The following IL1RAPL1 variants were observed in gnomAD, a reference collection of about 807,000 sequenced individuals.
IL1RAPL1 encodes interleukin-1 receptor accessory protein-like 1.
IL1RAPL1 carries 3 observed loss-of-function variants against 48.4 expected under a neutral mutation model. The ratio of observed to expected loss-of-function variants is 0.06; its 90% CI spans 0.03 to 0.16. The LOEUF (loss-of-function observed/expected upper bound fraction) is 0.16, where lower values mean the gene tolerates loss of function less well. Ranked by LOEUF, IL1RAPL1 falls within the 10% of genes least tolerant of loss-of-function variation. IL1RAPL1 has a pLI of 1.00. For synonymous variants in IL1RAPL1, 185 were observed against 187.7 expected (o/e 0.99, Z 0.12); for missense variants, 349 against 530.6 (o/e 0.66, Z 3.36).
At chrX:28,862,942 A>G (rs1338244564) in intron 2 of IL1RAPL1, among the ~76,000 whole-genome samples, 1 of 109,519 alleles carries the variant, frequency 9.1e-6, no homozygotes, top group African/African-American at 3.3e-5. Context: ...GTGCAGTGGG[A>G]ATGATCTTGG....
At chrX:29,895,571 A>G (rs112835169) in intron 6 of IL1RAPL1, among the ~76,000 whole-genome samples, 13,485 of 112,303 alleles carry the variant, frequency 0.12, 737 homozygotes, top group Admixed American at 0.2. Flanking sequence ...AAGCTATTGT[A>G]TACGAATTGG....
At chrX:29,750,643 G>T (rs928111461) in intron 6 of IL1RAPL1, among the ~76,000 whole-genome samples, 2 of 111,509 alleles carry the variant, frequency 1.8e-5, no homozygotes, top group African/African-American at 6.5e-5. Flanking sequence ...TAATGACGTG[G>T]CATTTATAAT....
chrX:29,416,839 A>G (rs1934223701), intron 5 of IL1RAPL1, among the ~76,000 whole-genome samples: 1 of 111,686 alleles, frequency 9.0e-6, no homozygotes, highest in Non-Finnish European at 1.9e-5. Context: ...AAAATATGAC[A>G]GAAACCCATT....
chrX:29,570,458 A>C (rs1437362387), intron 5 of IL1RAPL1, among the ~76,000 whole-genome samples: 1 of 112,627 alleles, frequency 8.9e-6, no homozygotes, highest in African/African-American at 3.2e-5. Context: ...CACGCATTTC[A>C]CTGGTGAGTC....
intron 5 of IL1RAPL1, among the ~76,000 whole-genome samples, chrX:29,600,568 C>T (rs765097686): frequency 9.0e-6 from 1 of 111,654 alleles, no homozygotes; most frequent in Non-Finnish European, 1.9e-5. Flanking sequence ...TGCAAACTTG[C>T]CCTGGAGACA....
intron 2 of IL1RAPL1, among the ~76,000 whole-genome samples, chrX:29,166,055 T>C (rs761494378): frequency 8.9e-6 from 1 of 112,769 alleles, no homozygotes; most frequent in Non-Finnish European, 1.9e-5. Context: ...AAAATAACTT[T>C]GCATATGCAT....
chrX:29,402,850 G>C (rs982332740), intron 5 of IL1RAPL1, among the ~76,000 whole-genome samples: 34 of 109,793 alleles, frequency 3.1e-4, no homozygotes, highest in African/African-American at 1.0e-3. Context: ...CCTATATTTG[G>C]GATTTTTCTG....
chrX:29,040,635 C>G (rs1305519617), intron 2 of IL1RAPL1, among the ~76,000 whole-genome samples: 1 of 112,148 alleles, frequency 8.9e-6, no homozygotes, highest in Non-Finnish European at 1.9e-5. Context: ...TGAATTATTA[C>G]TCTAAAAAGG....
chrX:29,254,659 A>G (rs1450809862), intron 2 of IL1RAPL1, among the ~76,000 whole-genome samples: 2 of 112,013 alleles, frequency 1.8e-5, no homozygotes, highest in Admixed American at 1.9e-4. Flanking sequence ...ACTGGAGTGG[A>G]AGCAGAATAA....
At chrX:29,675,029 A>G (rs1332500177) in intron 6 of IL1RAPL1, among the ~76,000 whole-genome samples, 1 of 112,400 alleles carries the variant, frequency 8.9e-6, no homozygotes, top group East Asian at 2.8e-4. Context: ...TGCAATGAAC[A>G]TATGCATTCA....
At chrX:29,687,984 C>T (rs1226794979) in intron 6 of IL1RAPL1, among the ~76,000 whole-genome samples, 1 of 111,699 alleles carries the variant, frequency 9.0e-6, no homozygotes, top group Non-Finnish European at 1.9e-5. Context: ...CAGTGAGGCT[C>T]TGAAGATCTT....
intron 3 of IL1RAPL1, among the ~76,000 whole-genome samples, chrX:29,309,677 G>A (rs1186175582): frequency 1.8e-5 from 2 of 110,175 alleles, no homozygotes; most frequent in African/African-American, 6.6e-5. Flanking sequence ...GCCGGACGTG[G>A]TGACGGGCGC....
chrX:29,496,315 C>T (rs1935212720), intron 5 of IL1RAPL1, among the ~76,000 whole-genome samples: 1 of 110,780 alleles, frequency 9.0e-6, no homozygotes, highest in Admixed American at 9.7e-5. Flanking sequence ...GAGTTGTAAT[C>T]TCCAATGCTG....
At chrX:28,901,400 A>G (rs1347133828) in intron 2 of IL1RAPL1, among the ~76,000 whole-genome samples, 1 of 112,363 alleles carries the variant, frequency 8.9e-6, no homozygotes, top group Admixed American at 9.4e-5. Flanking sequence ...GATAGCATGT[A>G]TGTTAAAAAT....
intron 1 of IL1RAPL1, among the ~76,000 whole-genome samples, chrX:28,698,062 A>G (rs772185908): frequency 2.7e-5 from 3 of 111,684 alleles, no homozygotes; most frequent in South Asian, 7.4e-4. Flanking sequence ...TTCTGCCAAA[A>G]CAAGCAAAAG....
intron 5 of IL1RAPL1, among the ~76,000 whole-genome samples, chrX:29,645,319 C>A (rs957081750): frequency 3.6e-5 from 4 of 111,325 alleles, no homozygotes; most frequent in African/African-American, 1.3e-4. Context: ...GGTGAGCAAT[C>A]AAAGCACTAG....
chrX:29,811,518 G>T (rs1458580066), intron 6 of IL1RAPL1, among the ~76,000 whole-genome samples: 1 of 107,728 alleles, frequency 9.3e-6, no homozygotes, highest in Non-Finnish European at 1.9e-5. Context: ...GAGTGGGTCT[G>T]CCTTCCCTAG....
chrX:29,483,714 G>A (rs1482939114), intron 5 of IL1RAPL1, among the ~76,000 whole-genome samples: 1 of 108,115 alleles, frequency 9.2e-6, no homozygotes, highest in Non-Finnish European at 1.9e-5. Flanking sequence ...TTTAAGACAG[G>A]GCCCGGCTCT....
At chrX:29,285,639 T>C (rs1932273278) in intron 3 of IL1RAPL1, among the ~76,000 whole-genome samples, 1 of 107,389 alleles carries the variant, frequency 9.3e-6, no homozygotes, top group African/African-American at 3.4e-5. Context: ...TTCATATGTC[T>C]ACATTTTAAT....
Sources: allele counts gnomAD v4.1 joint callset (sites outside exome capture counted in the v4.1 genomes callset), GRCh38; gene constraint gnomAD v4.1.1; transcripts MANE v1.5; gene names NCBI Gene and HGNC (gene_info 2026-07-23, HGNC 2026-07-21).